Variants in COL13A1 observed in about 807,000 individuals in gnomAD.
The protein encoded by COL13A1 is collagen type XIII alpha 1 chain, also known as collagen alpha-1(XIII) chain.
In COL13A1, 89 loss-of-function variants were observed where a neutral mutation model predicts 130.9. That is an observed-to-expected ratio of 0.68 (90% confidence interval 0.57 to 0.81). The LOEUF (loss-of-function observed/expected upper bound fraction) is 0.81. COL13A1 is among the 30% of genes least tolerant of loss of function. The pLI, the probability that COL13A1 is intolerant of heterozygous loss-of-function variation, is 0.00. For missense variants in COL13A1, 879 were observed against 934.6 expected (o/e 0.94, Z 0.78); for synonymous variants, 402 against 341.6 (o/e 1.18, Z -1.95).
At chr10:69,854,238 C>T (rs1247411473) in intron 2 of COL13A1, among the ~76,000 whole-genome samples, 4 of 152,120 alleles carry the variant, frequency 2.6e-5, no homozygotes, top group Non-Finnish European at 4.4e-5. Flanking sequence ...TGCCCCTTCT[C>T]GTGCCACATG....
intron 2 of COL13A1, among the ~76,000 whole-genome samples, chr10:69,834,399 G>A (rs1849530819): frequency 6.6e-6 from 1 of 152,188 alleles, no homozygotes; most frequent in Non-Finnish European, 1.5e-5. Context: ...AGGTTGCAGA[G>A]GTAACATTAG....
At chr10:69,934,117 G>A (rs1305781094) in intron 31 of COL13A1, among the ~76,000 whole-genome samples, 2 of 151,944 alleles carry the variant, frequency 1.3e-5, no homozygotes, top group Non-Finnish European at 2.9e-5. Flanking sequence ...GATACATCAA[G>A]AAAATGTTTA....
intron 17 of COL13A1, among the ~76,000 whole-genome samples, chr10:69,910,387 C>T (rs1247161833): frequency 6.6e-6 from 1 of 151,926 alleles, no homozygotes; most frequent in Non-Finnish European, 1.5e-5. Flanking sequence ...AACTGATGGG[C>T]CCCCCACATG....
At chr10:69,877,681 T>TCA (rs1437280279) in intron 5 of COL13A1, 132 of 99,270 alleles carry the variant, frequency 1.3e-3, no homozygotes, top group East Asian at 9.7e-3. Flanking sequence ...TCTGTCTCTC[T>TCA]CTCTCTCTCT....
At chr10:69,820,298 C>A (rs1472454209) in intron 1 of COL13A1, among the ~76,000 whole-genome samples, 1 of 152,246 alleles carries the variant, frequency 6.6e-6, no homozygotes, top group Non-Finnish European at 1.5e-5. Context: ...CAAATTCTGT[C>A]TCCAGCCCAA....
At chr10:69,866,930 C>T (rs984503061) in intron 2 of COL13A1, among the ~76,000 whole-genome samples, 62 of 152,190 alleles carry the variant, frequency 4.1e-4, no homozygotes, top group Admixed American at 1.3e-4. Context: ...ACACCAGGCC[C>T]AGCTGGGAAT....
chr10:69,956,971 G>T (rs1409096245), intron 39 of COL13A1, 33 bp from the exon 40 acceptor site: 2 of 1,606,416 alleles, frequency 1.2e-6, no homozygotes, highest in South Asian at 2.2e-5. Flanking sequence ...ATTGCAGGAA[G>T]TCTGAGCCCT....
chr10:69,810,999 C>T (rs774139034), intron 1 of COL13A1, among the ~76,000 whole-genome samples: 1 of 152,212 alleles, frequency 6.6e-6, no homozygotes, highest in Non-Finnish European at 1.5e-5. Flanking sequence ...TGAGGGGACA[C>T]TGGGCCCCTG....
rs1159883635 is a variant in COL13A1, at chr10:69,822,393, C to T, written c.319C>T (p.Arg107Cys). 1.2e-5 allele frequency: 19 copies of T among 1,592,348 alleles called. No individual in the cohort carries two copies. Among genetic ancestry groups the T allele is most frequent in the East Asian group, 2.3e-5 (1 of 43,644 alleles). The stretch of plus-strand genomic sequence containing the variant: ...GAAATGGAAGCTCCACTCAAGGAGG[C>T]GCCGGGAGGCCCCAAAGACATCTCC... Reference protein sequence around the residue: ...DEKWKLHSRRRREAPKTSPGC... With the variant: ...DEKWKLHSRRCREAPKTSPGC... Residue 107 changes from arginine to cysteine, a missense_variant, in exon 2 of 41, where the codon CGC becomes TGC. This residue lies in a region of COL13A1 where 715 missense variants were observed against 721.0 expected (regional missense o/e 0.99). Coordinates refer to ENST00000645393, the MANE Select transcript of COL13A1 (RefSeq NM_001368882.1).
At chr10:69,933,516 G>A (rs2066437644) in intron 31 of COL13A1, among the ~76,000 whole-genome samples, 1 of 152,136 alleles carries the variant, frequency 6.6e-6, no homozygotes, top group African/African-American at 2.4e-5. Flanking sequence ...TTTGGTGGCG[G>A]GGTCTGGGCA....
intron 2 of COL13A1, among the ~76,000 whole-genome samples, chr10:69,846,593 A>G (rs2133384803): frequency 6.8e-6 from 1 of 147,770 alleles, no homozygotes; most frequent in East Asian, 2.1e-4. Context: ...TTCCAAGCTT[A>G]GGGACATTCA....
intron 17 of COL13A1, among the ~76,000 whole-genome samples, chr10:69,908,693 A>G (rs2063048833): frequency 6.6e-6 from 1 of 152,124 alleles, no homozygotes; most frequent in South Asian, 2.1e-4. Flanking sequence ...CTAGACTCAG[A>G]TTGTAGGAAG....
intron 1 of COL13A1, 148 bp downstream of exon 1, chr10:69,802,865 A>G (rs1316816329): frequency 9.7e-7 from 1 of 1,035,226 alleles, no homozygotes; most frequent in Non-Finnish European, 1.4e-6. Flanking sequence ...GGGGACACGG[A>G]CAGACGCTGC....
intron 18 of COL13A1, 113 bp from the exon 19 acceptor site, chr10:69,918,171 AG>A (rs2064160356): frequency 1.2e-6 from 1 of 861,620 alleles, no homozygotes; most frequent in South Asian, 1.7e-5. Flanking sequence ...GGTTGGGAGG[AG>A]TGAGCGGTCC....
chr10:69,833,906 C>T (rs1351548705), intron 2 of COL13A1, among the ~76,000 whole-genome samples: 1 of 152,016 alleles, frequency 6.6e-6, no homozygotes, highest in African/African-American at 2.4e-5. Context: ...TGGACACCAC[C>T]CTGAAAGCCA....
chr10:69,848,002 C>G (rs10762317), intron 2 of COL13A1, among the ~76,000 whole-genome samples: 67,065 of 152,100 alleles, frequency 0.44, 16,186 homozygotes, highest in East Asian at 0.79. Flanking sequence ...TGCCCCCTGG[C>G]CCACCTCCTT....
Position 69,902,845 on chromosome 10 carries a change from T to A in COL13A1, c.848T>A (p.Met283Lys). 1 of 1,533,888 alleles carries A rather than the reference T, an allele frequency of 6.5e-7. No homozygotes were observed. Among genetic ancestry groups the A allele is most frequent in the Admixed American group, 2.1e-5 (1 of 48,200 alleles). ...PLGHPGLPGP[M>K]GPPGLPGPPG... ...GGGCACCCAGGACTGCCAGGGCCTA[T>A]GGGGCCACCTGTAAGTATTCCCTTC... Residue 283 changes from methionine to lysine, a missense_variant, in exon 15 of 41, where the codon ATG becomes AAG. Physicochemically the swap from Met to Lys is moderately conservative, Grantham distance 95. Coordinates refer to ENST00000645393, the MANE Select transcript of COL13A1 (RefSeq NM_001368882.1).
intron 27 of COL13A1, among the ~76,000 whole-genome samples, chr10:69,928,457 A>G (rs1387581547): frequency 6.6e-6 from 1 of 152,220 alleles, no homozygotes; most frequent in Non-Finnish European, 1.5e-5. Context: ...GGAATTAAAC[A>G]GTATCTGTGC....
chr10:69,870,551 C>A (rs1432946575), intron 3 of COL13A1, among the ~76,000 whole-genome samples: 2 of 151,044 alleles, frequency 1.3e-5, no homozygotes, highest in Non-Finnish European at 1.5e-5. Flanking sequence ...GAACTCCTGA[C>A]CTCAAGCCAT....
Sources: allele counts gnomAD v4.1 joint callset (sites outside exome capture counted in the v4.1 genomes callset), GRCh38; gene constraint gnomAD v4.1.1; regional missense constraint gnomAD v4.1.1; transcripts MANE v1.5; gene names NCBI Gene and HGNC (gene_info 2026-07-23, HGNC 2026-07-21).